The following NOVA1 variants were observed in gnomAD, a reference collection of about 807,000 sequenced individuals.
The protein encoded by NOVA1 is RNA-binding protein Nova-1.
Under a neutral mutation model 38.0 loss-of-function variants are expected in NOVA1, and 7 were observed. That is an observed-to-expected ratio of 0.18 (90% CI 0.10 to 0.35). The LOEUF (loss-of-function observed/expected upper bound fraction) is 0.35. Among genes scored for constraint, NOVA1 ranks in the 10% least tolerant of loss-of-function variants. The pLI is 1.00. For synonymous variants in NOVA1, 270 were observed against 232.5 expected, an observed-to-expected ratio of 1.16 and a Z score of -1.47; for missense variants, 460 against 616.0, an observed-to-expected ratio of 0.75 and a Z score of 2.68.
At chr14:26,534,609 T>C (rs1244754305) in intron 2 of NOVA1, among the ~76,000 whole-genome samples, 2 of 152,052 alleles carry the variant, frequency 1.3e-5, no homozygotes. Context: ...TAAAATAGTA[T>C]AAAATTAATA....
chr14:26,544,093 G>A lies in NOVA1; in HGVS notation c.280+51317C>T, dbSNP rs144941537. Among the ~76,000 whole-genome samples, 1,488 of 151,876 alleles carry A rather than the reference G, an allele frequency of 9.8e-3. 21 individuals are homozygous for A. Among genetic ancestry groups the A allele is most frequent in the African/African-American group, 0.032 (1,328 of 41,470 alleles). ...GCCAGTACTTTAGTAGGTTGGTGGAGTAAAGAAATATATTTTCCCATGGGA... is the reference window on the plus strand; with the variant it reads ...GCCAGTACTTTAGTAGGTTGGTGGAATAAAGAAATATATTTTCCCATGGGA... On this transcript the variant is annotated intron_variant, in intron 2 of 4. Coordinates refer to ENST00000539517, the MANE Select transcript of NOVA1 (RefSeq NM_002515.3).
intron 2 of NOVA1, among the ~76,000 whole-genome samples, chr14:26,574,614 T>C (rs76920494): frequency 0.02 from 3,082 of 152,160 alleles, 94 homozygotes; most frequent in African/African-American, 0.071. Flanking sequence ...TAAAGTGTTA[T>C]CATAAAACTT....
intron 2 of NOVA1, among the ~76,000 whole-genome samples, chr14:26,529,812 T>C (rs1008148922): frequency 1.3e-5 from 2 of 152,206 alleles, no homozygotes; most frequent in African/African-American, 2.4e-5. Flanking sequence ...ACTTCAGTCA[T>C]GCAGCCTTTT....
At chr14:26,581,835 C>A (rs1208103772) in intron 2 of NOVA1, among the ~76,000 whole-genome samples, 1 of 151,826 alleles carries the variant, frequency 6.6e-6, no homozygotes, top group African/African-American at 2.4e-5. Flanking sequence ...TACACAATAA[C>A]AGAAAATAAA....
intron 3 of NOVA1, among the ~76,000 whole-genome samples, chr14:26,478,727 T>G (rs186901245): frequency 5.9e-5 from 9 of 152,082 alleles, no homozygotes; most frequent in Admixed American, 5.9e-4. Flanking sequence ...TATTCTCCCA[T>G]GTATACATTA....
At chr14:26,588,133 T>C (rs372708402) in intron 2 of NOVA1, among the ~76,000 whole-genome samples, 2 of 150,788 alleles carry the variant, frequency 1.3e-5, no homozygotes, top group East Asian at 1.9e-4. Context: ...TAAAATGAAC[T>C]GAAAAGTTCT....
At chr14:26,486,475 T>C (rs200389171) in intron 2 of NOVA1, among the ~76,000 whole-genome samples, 2 of 151,764 alleles carry the variant, frequency 1.3e-5, no homozygotes, top group African/African-American at 2.4e-5. Flanking sequence ...TTTGGGAGGC[T>C]GAGGCGGGCG....
intron 2 of NOVA1, among the ~76,000 whole-genome samples, chr14:26,491,449 A>C (rs72670844): frequency 0.056 from 8,554 of 152,194 alleles, 376 homozygotes; most frequent in Non-Finnish European, 0.081. Context: ...TGATGCACAG[A>C]AGTTTTAAAA....
At chr14:26,562,124 G>A (rs1166178140) in intron 2 of NOVA1, among the ~76,000 whole-genome samples, 2 of 152,100 alleles carry the variant, frequency 1.3e-5, no homozygotes, top group African/African-American at 2.4e-5. Context: ...TTTTTAAGGT[G>A]TCATATTAGT....
chr14:26,560,986 G>GT (rs748900553), intron 2 of NOVA1, among the ~76,000 whole-genome samples: 28 of 152,152 alleles, frequency 1.8e-4, no homozygotes, highest in South Asian at 1.7e-3. Flanking sequence ...ATGGTACAGG[G>GT]TGGGGGGATG....
At chr14:26,595,801 T>C in intron 1 of NOVA1, 1 of 386,106 alleles carries the variant, frequency 2.6e-6, no homozygotes, top group Non-Finnish European at 4.7e-6. Context: ...TATTCTATTA[T>C]TTTGCAGCAC....
rs1256909899 is a variant in NOVA1 at position 26,446,069 on chromosome 14, A to ATGAAAT, written c.*1889_*1890insATTTCA. The stretch of plus-strand genomic sequence containing the variant: ...ACAGCTTTTCTCTTTCATTTAAACA[A>ATGAAAT]GCATATCATTCCCTTTTAAAATCAT... On this transcript the variant is annotated 3_prime_UTR_variant, in exon 5 of 5. Coordinates refer to ENST00000539517, the MANE Select transcript of NOVA1 (RefSeq NM_002515.3). 1.3e-5 allele frequency: 2 copies of ATGAAAT among 152,714 alleles called. No homozygotes were observed. Among genetic ancestry groups the ATGAAAT allele is most frequent in the East Asian group, 3.9e-4 (2 of 5,182 alleles). The allele number at this position is 152,714 out of a possible 1,614,324, so 9.5% of individuals were successfully genotyped here.
At chr14:26,565,104 A>T (rs1892054452) in intron 2 of NOVA1, among the ~76,000 whole-genome samples, 1 of 152,164 alleles carries the variant, frequency 6.6e-6, no homozygotes, top group Admixed American at 6.6e-5. Flanking sequence ...AATTTGAAAA[A>T]GACCATGCTG....
intron 4 of NOVA1, chr14:26,470,471 A>T (rs1164481433): frequency 1.3e-6 from 2 of 1,560,382 alleles, no homozygotes; most frequent in Non-Finnish European, 1.8e-6. Context: ...GCTTCATGAT[A>T]TCCAGGAGAT....
intron 2 of NOVA1, among the ~76,000 whole-genome samples, chr14:26,589,922 T>C (rs930845260): frequency 6.6e-6 from 1 of 151,842 alleles, no homozygotes; most frequent in African/African-American, 2.4e-5. Flanking sequence ...TCAGAAAGTA[T>C]TGAAAAGCAC....
At chr14:26,496,143 T>G (rs1012725525) in intron 2 of NOVA1, among the ~76,000 whole-genome samples, 2 of 150,398 alleles carry the variant, frequency 1.3e-5, no homozygotes, top group African/African-American at 4.9e-5. Flanking sequence ...TTTCTCCACA[T>G]CCTCTCCAGC....
In NOVA1 at chr14:26,472,101, G is replaced by A. The variant is rs577685350; in HGVS notation, c.519+219C>T. 4 of 459,712 alleles carry A rather than the reference G, an allele frequency of 8.7e-6. No homozygotes were observed. The South Asian group carries it at 2.2e-4, about 25-fold the overall frequency. 28.5% of individuals were successfully genotyped at this position (459,712 alleles called of 1,614,324 possible). On this transcript the variant is annotated intron_variant, in intron 4 of 4. Coordinates refer to ENST00000539517, the MANE Select transcript of NOVA1 (RefSeq NM_002515.3). The stretch of plus-strand genomic sequence containing the variant: ...TAAGGAAAAATAATAAAAAATTAGA[G>A]TAGTTTAATATCTGAATATAGTATT...
At chr14:26,515,482 T>A (rs2138476158) in intron 2 of NOVA1, among the ~76,000 whole-genome samples, 1 of 152,090 alleles carries the variant, frequency 6.6e-6, no homozygotes. Context: ...ACTATACTAA[T>A]CAATTTGTTC....
chr14:26,459,093 G>A (rs904352106), intron 4 of NOVA1, among the ~76,000 whole-genome samples: 1 of 151,974 alleles, frequency 6.6e-6, no homozygotes, highest in African/African-American at 2.4e-5. Context: ...ACTCACTACT[G>A]AATCACTGAC....
Sources: allele counts gnomAD v4.1 joint callset (sites outside exome capture counted in the v4.1 genomes callset), GRCh38; gene constraint gnomAD v4.1.1; transcripts MANE v1.5; gene names NCBI Gene and HGNC (gene_info 2026-07-23, HGNC 2026-07-21).